SERINC5: variants seen among roughly 807,000 people sequenced by gnomAD.
The protein encoded by SERINC5 is serine incorporator 5, also known as chromosome 5 open reading frame 12.
SERINC5 carries 41 observed loss-of-function variants against 63.1 expected under a neutral mutation model. The observed-to-expected ratio is 0.65, with a 90% CI of 0.51 to 0.84. The LOEUF (loss-of-function observed/expected upper bound fraction) is 0.84, where lower values mean the gene tolerates loss of function less well. Among genes scored for constraint, SERINC5 ranks in the 40% least tolerant of loss-of-function variants. The pLI is 0.00. For synonymous variants in SERINC5, 222 were observed against 215.2 expected, an observed-to-expected ratio of 1.03 and a Z score of -0.28; for missense variants, 523 against 573.0, an observed-to-expected ratio of 0.91 and a Z score of 0.89.
chr5:80,137,605 T>C (rs1406476248), downstream of SERINC5, among the ~76,000 whole-genome samples: 1 of 138,708 alleles, frequency 7.2e-6, no homozygotes, highest in Non-Finnish European at 1.5e-5. Context: ...ATCATGCCAC[T>C]GCACTCCAGC....
chr5:80,232,680 A>C (rs1455948780), intron 1 of SERINC5, among the ~76,000 whole-genome samples: 2 of 151,980 alleles, frequency 1.3e-5, no homozygotes, highest in African/African-American at 4.8e-5. Context: ...AATACTGAGG[A>C]GGTTGAGGCA....
intron 2 of SERINC5, among the ~76,000 whole-genome samples, chr5:80,180,647 G>A (rs1472053323): frequency 2.0e-5 from 3 of 152,202 alleles, no homozygotes; most frequent in Non-Finnish European, 4.4e-5. Context: ...AGGCATGCAG[G>A]AAAAGGGGGC....
intron 2 of SERINC5, among the ~76,000 whole-genome samples, chr5:80,180,722 A>C (rs554456169): frequency 2.6e-5 from 4 of 152,214 alleles, no homozygotes; most frequent in African/African-American, 4.8e-5. Flanking sequence ...CTCCGCTATA[A>C]AAGAGATATG....
At chr5:80,121,786 C>G (rs1254952111) in intron 11 of SERINC5, among the ~76,000 whole-genome samples, 1 of 152,050 alleles carries the variant, frequency 6.6e-6, no homozygotes, top group African/African-American at 2.4e-5. Context: ...CACATGGCGA[C>G]AGAGAGAGAA....
At chr5:80,222,641 C>T (rs112378833) in intron 1 of SERINC5, among the ~76,000 whole-genome samples, 16,407 of 151,718 alleles carry the variant, frequency 0.11, 1,002 homozygotes, top group Middle Eastern at 0.14. Flanking sequence ...GGAGCGATCT[C>T]GGCTCACTGC....
At chr5:80,145,472 C>T (rs1190598591) in intron 11 of SERINC5, among the ~76,000 whole-genome samples, 2 of 151,566 alleles carry the variant, frequency 1.3e-5, no homozygotes, top group African/African-American at 4.9e-5. Context: ...CATAATTCCA[C>T]ATTTAGTTTG....
intron 2 of SERINC5, among the ~76,000 whole-genome samples, chr5:80,189,084 C>T (rs531051980): frequency 3.3e-5 from 5 of 151,998 alleles, no homozygotes; most frequent in African/African-American, 1.2e-4. Context: ...TCTCTGTTCA[C>T]ATGTAAAGTG....
intron 5 of SERINC5, among the ~76,000 whole-genome samples, chr5:80,173,488 T>C (rs987619032): frequency 3.9e-5 from 6 of 151,950 alleles, no homozygotes; most frequent in Admixed American, 3.9e-4. Flanking sequence ...CCCAGCTACT[T>C]GAGAGGCTGA....
intron 2 of SERINC5, among the ~76,000 whole-genome samples, chr5:80,183,661 C>T (rs1207824012): frequency 2.0e-5 from 3 of 151,986 alleles, no homozygotes; most frequent in Non-Finnish European, 4.4e-5. Context: ...GAATTTCCTT[C>T]TCCTGGCTCA....
chr5:80,205,423 C>G (rs1277888925), intron 1 of SERINC5, among the ~76,000 whole-genome samples: 1 of 152,194 alleles, frequency 6.6e-6, no homozygotes, highest in Non-Finnish European at 1.5e-5. Flanking sequence ...TACAAGCACC[C>G]AGGGTGCTGG....
At chr5:80,148,179 A>ATTTTTTTTT (rs1561368204) in intron 9 of SERINC5, among the ~76,000 whole-genome samples, 1 of 117,220 alleles carries the variant, frequency 8.5e-6, no homozygotes. Flanking sequence ...TACCTTGCGT[A>ATTTTTTTTT]TTTTTTATTC....
At chr5:80,226,260 T>C (rs1472010590) in intron 1 of SERINC5, among the ~76,000 whole-genome samples, 1 of 152,212 alleles carries the variant, frequency 6.6e-6, no homozygotes, top group Non-Finnish European at 1.5e-5. Flanking sequence ...GGTTTTGCCA[T>C]GTTACAGGCA....
chr5:80,138,844 G>A lies in SERINC5; in HGVS notation c.*4819C>T, dbSNP rs901404773. On this transcript the variant is annotated 3_prime_UTR_variant, in exon 12 of 12. Transcript: ENST00000507668. ...AACATCTCTGCAAAACAACTAACTT[G>A]AGTACTTTAATTATATATGTATCTA... 82 of 982,708 alleles carry A rather than the reference G, an allele frequency of 8.3e-5. No homozygotes were observed. The highest frequency in any genetic ancestry group is 3.1e-4 in the Admixed American group (5 of 16,244). The allele number at this position is 982,708 out of a possible 1,614,324, so 60.9% of individuals were successfully genotyped here. A position where few individuals can be genotyped will look rare whatever the true frequency, so the allele number is the denominator to read the frequency against.
Position 80,141,260 on chromosome 5 carries a change from A to ACTCC in SERINC5, c.*2402_*2403insGGAG. 1.0e-6 allele frequency: 1 copy of ACTCC among 985,446 alleles called. No homozygotes were observed. Among genetic ancestry groups the ACTCC allele is most frequent in the African/African-American group, 1.7e-5 (1 of 57,360 alleles). 61.0% of individuals were successfully genotyped at this position (985,446 alleles called of 1,614,324 possible). ...GCATCAGACCAACCGGCAGAAGGGAACGGGATGTCACAAACCAGACTCACG... is the reference window on the plus strand; with the variant it reads ...GCATCAGACCAACCGGCAGAAGGGAACTCCCGGGATGTCACAAACCAGACTCACG... On this transcript the variant is annotated 3_prime_UTR_variant, in exon 12 of 12. Transcript: ENST00000507668.
chr5:80,194,125 A>C (rs968305633), intron 2 of SERINC5, among the ~76,000 whole-genome samples: 1 of 152,252 alleles, frequency 6.6e-6, no homozygotes, highest in African/African-American at 2.4e-5. Flanking sequence ...TGCTACGCAG[A>C]AAGAGAACTT....
chr5:80,223,734 G>T (rs1337804557), intron 1 of SERINC5, among the ~76,000 whole-genome samples: 1 of 152,172 alleles, frequency 6.6e-6, no homozygotes, highest in Admixed American at 6.5e-5. Context: ...GCATTCCTGA[G>T]CTTGGCAGGG....
Position 80,167,819 on chromosome 5 carries a change from T to C in SERINC5, c.764-1341A>G, listed in dbSNP as rs140086931. Among the ~76,000 whole-genome samples the C allele has an allele frequency of 4.1e-3, 619 of 152,344 alleles. 5 individuals carry two copies. The highest frequency in any genetic ancestry group is 0.014 in the African/African-American group (595 of 41,586). ...GGATGTGATAAGGGATCTCTCTTTC[T>C]TTCCTGCGAAATTTTCGACCACTTG... is the stretch of plus-strand genomic sequence containing the variant. On this transcript the variant is annotated intron_variant, in intron 6 of 11. Coordinates refer to ENST00000507668, the MANE Select transcript of SERINC5 (RefSeq NM_001174072.3).
Position 80,139,804 on chromosome 5 carries a change from G to T in SERINC5, c.*3859C>A. 1.0e-6 allele frequency: 1 copy of T among 985,430 alleles called. No homozygotes were observed. The highest frequency in any genetic ancestry group is 1.1e-4 in the East Asian group (1 of 8,816). 61.0% of individuals were successfully genotyped at this position (985,430 alleles called of 1,614,324 possible). ...AAGGAGGGCCCAGTGTTCTTTCTGGGTGTGTAAGGTCTTACTTAGTTCAAG... is the reference window on the plus strand; with the variant it reads ...AAGGAGGGCCCAGTGTTCTTTCTGGTTGTGTAAGGTCTTACTTAGTTCAAG... On this transcript the variant is annotated 3_prime_UTR_variant, in exon 12 of 12. Coordinates refer to ENST00000507668, the MANE Select transcript of SERINC5 (RefSeq NM_001174072.3).
At chr5:80,127,085 T>G (rs1480680004) in intron 11 of SERINC5, among the ~76,000 whole-genome samples, 1 of 152,168 alleles carries the variant, frequency 6.6e-6, no homozygotes, top group Non-Finnish European at 1.5e-5. Context: ...TAAGAATTTT[T>G]TAAAAACCTC....
Sources: gnomAD v4.1 joint callset for allele counts (sites outside exome capture counted in the v4.1 genomes callset) on GRCh38, gnomAD v4.1.1 for gene constraint, MANE v1.5 for transcripts, NCBI Gene and HGNC (gene_info 2026-07-23, HGNC 2026-07-21) for gene names.